The following SOX5 variants were observed in gnomAD, a reference collection of about 807,000 sequenced individuals.
SOX5 encodes the protein SRY-box transcription factor 5.
SOX5 carries 9 observed loss-of-function variants against 92.0 expected under a neutral mutation model. The observed-to-expected ratio is 0.10, with a 90% CI of 0.06 to 0.17. The LOEUF (loss-of-function observed/expected upper bound fraction) is 0.17, where lower values mean the gene tolerates loss of function less well. SOX5 is among the 10% of genes least tolerant of loss of function. The probability of loss-of-function intolerance (pLI) is 1.00; values close to 1 mark genes in which losing one functional copy is unlikely to be tolerated. For synonymous variants in SOX5, 344 were observed against 336.3 expected (o/e 1.02, Z -0.25); for missense variants, 642 against 944.5 (o/e 0.68, Z 4.20).
chr12:23,664,418 T>C (rs1311493804), intron 7 of SOX5, among the ~76,000 whole-genome samples: 2 of 152,122 alleles, frequency 1.3e-5, no homozygotes, highest in African/African-American at 4.8e-5. Context: ...TTCAGTGGTG[T>C]TCACTTTTAT....
At chr12:24,216,273 G>A (rs1242538107) in intron 3 of SOX5, among the ~76,000 whole-genome samples, 1 of 151,924 alleles carries the variant, frequency 6.6e-6, no homozygotes, top group Non-Finnish European at 1.5e-5. Context: ...CACGAGGTCA[G>A]GAGATCAAGA....
At chr12:23,890,866 C>T (rs2097124023) in intron 2 of SOX5, among the ~76,000 whole-genome samples, 1 of 151,406 alleles carries the variant, frequency 6.6e-6, no homozygotes, top group African/African-American at 2.4e-5. Flanking sequence ...GGAGATTTAA[C>T]TACCAATAAG....
At chr12:24,100,617 C>T (rs1284197550) in intron 4 of SOX5, among the ~76,000 whole-genome samples, 1 of 152,120 alleles carries the variant, frequency 6.6e-6, no homozygotes, top group Admixed American at 6.6e-5. Flanking sequence ...CTTTTATGTG[C>T]TTCTGATGAA....
intron 1 of SOX5, among the ~76,000 whole-genome samples, chr12:24,538,210 G>C (rs1951809154): frequency 6.6e-6 from 1 of 152,062 alleles, no homozygotes; most frequent in South Asian, 2.1e-4. Flanking sequence ...TAACCCAGAC[G>C]CTGAAGTGCC....
chr12:24,112,212 G>C (rs547208972), intron 4 of SOX5, among the ~76,000 whole-genome samples: 16 of 152,322 alleles, frequency 1.1e-4, no homozygotes, highest in African/African-American at 3.8e-4. Flanking sequence ...GAAAGTTTGA[G>C]AATCTCAAAG....
At chr12:24,446,890 T>C (rs12366963) in intron 1 of SOX5, among the ~76,000 whole-genome samples, 35,415 of 151,902 alleles carry the variant, frequency 0.23, 4,977 homozygotes, top group East Asian at 0.67. Flanking sequence ...GGTATATCAG[T>C]GGGACGCAGA....
At chr12:24,314,934 T>C (rs1031186879) in intron 2 of SOX5, among the ~76,000 whole-genome samples, 1 of 152,210 alleles carries the variant, frequency 6.6e-6, no homozygotes. Flanking sequence ...CTCTAAACTG[T>C]TTACCTTGAT....
At chr12:24,018,560 C>T (rs1361278085) in intron 4 of SOX5, among the ~76,000 whole-genome samples, 1 of 152,074 alleles carries the variant, frequency 6.6e-6, no homozygotes, top group Non-Finnish European at 1.5e-5. Context: ...CTTTGGGAGG[C>T]CAAGGCAGGT....
intron 4 of SOX5, among the ~76,000 whole-genome samples, chr12:24,029,378 T>A (rs915770116): frequency 2.0e-5 from 3 of 151,918 alleles, no homozygotes; most frequent in Non-Finnish European, 4.4e-5. Flanking sequence ...AAGGTCAAGC[T>A]GTTCTCCCAC....
chr12:24,085,038 T>C (rs1206538078), intron 4 of SOX5, among the ~76,000 whole-genome samples: 1 of 152,096 alleles, frequency 6.6e-6, no homozygotes, highest in African/African-American at 2.4e-5. Flanking sequence ...AGACACAGGC[T>C]GACTTCAAAA....
At chr12:23,872,554 G>A (rs527377166) in intron 2 of SOX5, among the ~76,000 whole-genome samples, 3 of 152,176 alleles carry the variant, frequency 2.0e-5, no homozygotes, top group African/African-American at 7.2e-5. Context: ...TTTGTTCCAG[G>A]TAGACACTGG....
chr12:24,093,691 C>CTT (rs199818216), intron 4 of SOX5, among the ~76,000 whole-genome samples: 18 of 140,194 alleles, frequency 1.3e-4, no homozygotes, highest in African/African-American at 4.0e-4. Context: ...TTTGGTTGTC[C>CTT]TTTTTTTTTT....
intron 3 of SOX5, among the ~76,000 whole-genome samples, chr12:24,237,355 T>C (rs989787217): frequency 2.0e-5 from 3 of 152,216 alleles, no homozygotes; most frequent in Non-Finnish European, 2.9e-5. Flanking sequence ...TAGTTCACTG[T>C]CATATGGAAC....
rs182526798 is a variant in SOX5, at chr12:23,709,330, C to T, written c.810+25354G>A. Among the ~76,000 whole-genome samples, 597 of 152,196 alleles carry T rather than the reference C, an allele frequency of 3.9e-3. 2 individuals are homozygous for T. The highest frequency in any genetic ancestry group is 4.7e-3 in the Non-Finnish European group (320 of 68,008). On this transcript the variant is annotated intron_variant, in intron 6 of 14. Transcript: ENST00000451604. ...GTGCTGCCCAGACTGGTCTCACACTCCTGGGCTCAAGCAATCCTCCAACCT... is the reference window on the plus strand; with the variant it reads ...GTGCTGCCCAGACTGGTCTCACACTTCTGGGCTCAAGCAATCCTCCAACCT...
chr12:24,015,971 G>A (rs1386668380), intron 4 of SOX5, among the ~76,000 whole-genome samples: 6 of 151,670 alleles, frequency 4.0e-5, no homozygotes, highest in Non-Finnish European at 1.5e-5. Flanking sequence ...GGAGCTCCTA[G>A]GAACTGAAAG....
At chr12:23,970,621 T>C (rs917788464) in intron 4 of SOX5, among the ~76,000 whole-genome samples, 2 of 151,278 alleles carry the variant, frequency 1.3e-5, no homozygotes, top group African/African-American at 4.9e-5. Flanking sequence ...ACATGTATAA[T>C]TGTTTTTTAT....
intron 4 of SOX5, among the ~76,000 whole-genome samples, chr12:24,013,097 C>A (rs187562924): frequency 4.6e-5 from 7 of 152,232 alleles, no homozygotes; most frequent in Admixed American, 2.6e-4. Flanking sequence ...ACCTTCACAG[C>A]ATATTATCAT....
intron 1 of SOX5, among the ~76,000 whole-genome samples, chr12:24,498,769 C>T (rs1947896844): frequency 1.3e-5 from 2 of 152,148 alleles, no homozygotes; most frequent in African/African-American, 4.8e-5. Context: ...GGAATCAACA[C>T]ACTTCATGCT....
At chr12:23,827,338 A>G (rs2096249512) in intron 3 of SOX5, among the ~76,000 whole-genome samples, 1 of 152,242 alleles carries the variant, frequency 6.6e-6, no homozygotes, top group Non-Finnish European at 1.5e-5. Context: ...TATTTTACAT[A>G]GAGAATTTAC....
Sources: allele counts gnomAD v4.1 joint callset (sites outside exome capture counted in the v4.1 genomes callset), GRCh38; gene constraint gnomAD v4.1.1; transcripts MANE v1.5; gene names NCBI Gene and HGNC (gene_info 2026-07-23, HGNC 2026-07-21).